The following ADGRL3 variants were observed in gnomAD, a reference collection of about 807,000 sequenced individuals.
The protein encoded by ADGRL3 is calcium-independent alpha-latrotoxin receptor 3.
ADGRL3 carries 62 observed loss-of-function variants against 153.5 expected under a neutral mutation model. The observed-to-expected ratio is 0.40, with a 90% CI of 0.33 to 0.50. The LOEUF (loss-of-function observed/expected upper bound fraction) is 0.50. Among genes scored for constraint, ADGRL3 ranks in the 20% least tolerant of loss-of-function variants. The pLI is 0.47. For synonymous variants in ADGRL3, 710 were observed against 672.5 expected, an observed-to-expected ratio of 1.06 and a Z score of -0.86; for missense variants, 1,641 against 1,859.4, an observed-to-expected ratio of 0.88 and a Z score of 2.16.
chr4:61,515,918 G>T (rs771327903), intron 3 of ADGRL3, among the ~76,000 whole-genome samples: 9 of 152,004 alleles, frequency 5.9e-5, no homozygotes, highest in Admixed American at 2.6e-4. Flanking sequence ...GTTGATTTTC[G>T]CAGCTTTTTG....
intron 21 of ADGRL3, among the ~76,000 whole-genome samples, chr4:62,016,852 A>G (rs982747685): frequency 6.6e-6 from 1 of 152,028 alleles, no homozygotes; most frequent in Non-Finnish European, 1.5e-5. Context: ...GAGGCCTTCC[A>G]TTATATCCTT....
intron 8 of ADGRL3, among the ~76,000 whole-genome samples, chr4:61,760,650 C>G (rs1195606782): frequency 6.6e-6 from 1 of 152,188 alleles, no homozygotes; most frequent in Non-Finnish European, 1.5e-5. Flanking sequence ...GCTGGGTGCG[C>G]TGCACCCACT....
chr4:61,899,472 A>C (rs1005353605), intron 11 of ADGRL3, among the ~76,000 whole-genome samples: 2 of 152,172 alleles, frequency 1.3e-5, no homozygotes, highest in South Asian at 4.1e-4. Context: ...CTTGTAAAGC[A>C]AAGGAACACT....
At chr4:61,599,560 T>A (rs2099002488) in intron 5 of ADGRL3, among the ~76,000 whole-genome samples, 1 of 152,198 alleles carries the variant, frequency 6.6e-6, no homozygotes, top group South Asian at 2.1e-4. Context: ...CTTGAACTCC[T>A]GACCTCAAGT....
At chr4:61,775,510 T>C in intron 8 of ADGRL3, 2 of 749,968 alleles carry the variant, frequency 2.7e-6, no homozygotes, top group East Asian at 2.6e-5. Flanking sequence ...CTTGCCATAG[T>C]CCTTAACTAC....
At chr4:61,402,456 A>G (rs2096940938) in intron 2 of ADGRL3, among the ~76,000 whole-genome samples, 1 of 152,226 alleles carries the variant, frequency 6.6e-6, no homozygotes, top group Non-Finnish European at 1.5e-5. Flanking sequence ...TTTAACACAT[A>G]CGAATTTTAT....
At chr4:61,460,148 G>C (rs1375429917) in intron 2 of ADGRL3, among the ~76,000 whole-genome samples, 1 of 151,836 alleles carries the variant, frequency 6.6e-6, no homozygotes, top group Admixed American at 6.6e-5. Flanking sequence ...TAAAATCTTT[G>C]CCTAGACCAA....
intron 1 of ADGRL3, among the ~76,000 whole-genome samples, chr4:61,309,841 G>A (rs141931401): frequency 1.3e-4 from 20 of 152,040 alleles, no homozygotes; most frequent in Admixed American, 1.1e-3. Flanking sequence ...ACCAGTGGGG[G>A]GTTTTGTTCT....
chr4:61,236,152 G>C (rs890320157), intron 1 of ADGRL3, among the ~76,000 whole-genome samples: 1 of 151,542 alleles, frequency 6.6e-6, no homozygotes, highest in Non-Finnish European at 1.5e-5. Context: ...TGGGATTACA[G>C]GTGCCCACCA....
intron 6 of ADGRL3, among the ~76,000 whole-genome samples, chr4:61,715,102 A>G (rs763898150): frequency 3.3e-5 from 5 of 152,198 alleles, no homozygotes; most frequent in Admixed American, 1.3e-4. Flanking sequence ...CATTTAACAT[A>G]TTATCTACCT....
chr4:61,885,191 G>A (rs916734648), intron 9 of ADGRL3, among the ~76,000 whole-genome samples: 1 of 151,914 alleles, frequency 6.6e-6, no homozygotes, highest in African/African-American at 2.4e-5. Flanking sequence ...CAGGAGAATC[G>A]CTTGGCGCGC....
intron 9 of ADGRL3, among the ~76,000 whole-genome samples, chr4:61,835,883 G>A (rs1295612302): frequency 6.6e-6 from 1 of 152,140 alleles, no homozygotes; most frequent in African/African-American, 2.4e-5. Context: ...GTTTTTCCCA[G>A]AAGGAGCCTA....
chr4:61,877,235 C>A (rs2098481138), intron 9 of ADGRL3, among the ~76,000 whole-genome samples: 1 of 152,144 alleles, frequency 6.6e-6, no homozygotes, highest in Non-Finnish European at 1.5e-5. Context: ...ACTATTGGTA[C>A]ACACAACAAC....
At chr4:61,756,457 G>A (rs2152113061) in intron 8 of ADGRL3, among the ~76,000 whole-genome samples, 1 of 152,202 alleles carries the variant, frequency 6.6e-6, no homozygotes, top group Non-Finnish European at 1.5e-5. Flanking sequence ...TGTGATTTTT[G>A]CACATTGATT....
intron 1 of ADGRL3, among the ~76,000 whole-genome samples, chr4:61,253,679 G>T (rs1419130596): frequency 8.3e-6 from 1 of 120,420 alleles, no homozygotes; most frequent in African/African-American, 3.2e-5. Flanking sequence ...AACTTTGTTT[G>T]TATGTTCAGT....
At chr4:61,928,860 A>G (rs1406353733) in intron 13 of ADGRL3, among the ~76,000 whole-genome samples, 1 of 152,194 alleles carries the variant, frequency 6.6e-6, no homozygotes, top group Non-Finnish European at 1.5e-5. Flanking sequence ...ATATAATGGC[A>G]TTAATAATTT....
chr4:61,257,494 T>C (rs927240894), intron 1 of ADGRL3, among the ~76,000 whole-genome samples: 1 of 152,156 alleles, frequency 6.6e-6, no homozygotes, highest in Non-Finnish European at 1.5e-5. Flanking sequence ...AGTGAACCTA[T>C]TTGTTTAAGT....
At chr4:61,967,672 A>C (rs1457926927) in intron 17 of ADGRL3, among the ~76,000 whole-genome samples, 5 of 152,206 alleles carry the variant, frequency 3.3e-5, no homozygotes, top group Non-Finnish European at 5.9e-5. Flanking sequence ...TGCATCTATG[A>C]ATTCATTCTA....
At chr4:61,425,866 G>C (rs1236194042) in intron 2 of ADGRL3, among the ~76,000 whole-genome samples, 2 of 152,252 alleles carry the variant, frequency 1.3e-5, no homozygotes, top group East Asian at 3.9e-4. Context: ...GCCTTCGAGA[G>C]TCCATGGCCA....
Sources: allele counts gnomAD v4.1 joint callset (sites outside exome capture counted in the v4.1 genomes callset), GRCh38; gene constraint gnomAD v4.1.1; transcripts MANE v1.5; gene names NCBI Gene and HGNC (gene_info 2026-07-23, HGNC 2026-07-21).